Variants in TAFA5 observed in about 807,000 individuals in gnomAD.
TAFA5 encodes the protein chemokine-like protein TAFA-5.
A neutral mutation model predicts 15.3 loss-of-function variants in TAFA5; 6 were observed. The observed-to-expected ratio is 0.39, with a 90% CI of 0.21 to 0.77. The LOEUF is 0.77. Ranked by LOEUF, TAFA5 falls within the 30% of genes least tolerant of loss-of-function variation. The pLI is 0.41. For missense variants in TAFA5, 161 were observed against 193.1 expected (o/e 0.83, Z 0.98); for synonymous variants, 103 against 80.7 (o/e 1.28, Z -1.48).
chr22:48,651,053 C>T (rs540641674), intron 2 of TAFA5, among the ~76,000 whole-genome samples: 8 of 152,360 alleles, frequency 5.3e-5, no homozygotes, highest in South Asian at 2.1e-4. Context: ...CTGGCCAGCC[C>T]GCCTCGCTGA....
At chr22:48,593,864 TC>T (rs1382279325) in intron 1 of TAFA5, among the ~76,000 whole-genome samples, 1 of 152,126 alleles carries the variant, frequency 6.6e-6, no homozygotes, top group African/African-American at 2.4e-5. Context: ...ACTGTGAGCA[TC>T]CGAGGTGGTG....
intron 1 of TAFA5, among the ~76,000 whole-genome samples, chr22:48,642,810 T>TGCACGTGTGTGGTGTGTGTGCATGC (rs1282226553): frequency 3.3e-5 from 5 of 151,990 alleles, no homozygotes; most frequent in Admixed American, 3.3e-4. Context: ...GGTCTGTGTG[T>TGCACGTGTGTGGTGTGTGTGCATGC]GCACGTGTGT....
chr22:48,584,606 A>C (rs1370798510), intron 1 of TAFA5, among the ~76,000 whole-genome samples: 5 of 148,438 alleles, frequency 3.4e-5, no homozygotes, highest in Non-Finnish European at 6.0e-5. Context: ...ACACCACACC[A>C]CACACGCATG....
chr22:48,590,733 C>T (rs1253063418), intron 1 of TAFA5, among the ~76,000 whole-genome samples: 1 of 152,134 alleles, frequency 6.6e-6, no homozygotes, highest in African/African-American at 2.4e-5. Flanking sequence ...TGTTTGTGCC[C>T]AGCCTCCTCC....
chr22:48,607,040 G>T (rs1601611442), intron 1 of TAFA5, among the ~76,000 whole-genome samples: 1 of 152,370 alleles, frequency 6.6e-6, no homozygotes, highest in East Asian at 1.9e-4. Context: ...ATCCAGGCCA[G>T]GCTCTGGGGA....
intron 1 of TAFA5, chr22:48,544,476 T>G (rs1922584900): frequency 2.9e-6 from 1 of 347,908 alleles, no homozygotes; most frequent in Non-Finnish European, 5.7e-6. Flanking sequence ...AGCCGTTTGT[T>G]GAAATATGCA....
intron 1 of TAFA5, among the ~76,000 whole-genome samples, chr22:48,615,918 C>T (rs924611703): frequency 2.0e-5 from 3 of 152,252 alleles, no homozygotes; most frequent in Non-Finnish European, 4.4e-5. Flanking sequence ...AATCCTCACC[C>T]TGGCTTTGCC....
chr22:48,542,135 GTA>G (rs1222407015), intron 1 of TAFA5, among the ~76,000 whole-genome samples: 6 of 129,690 alleles, frequency 4.6e-5, no homozygotes, highest in South Asian at 2.3e-4. Context: ...TGTGTGATGT[GTA>G]TGTGTGTGTG....
At chr22:48,623,735 C>T (rs986957478) in intron 1 of TAFA5, among the ~76,000 whole-genome samples, 1 of 152,256 alleles carries the variant, frequency 6.6e-6, no homozygotes, top group Admixed American at 6.5e-5. Flanking sequence ...GGGCTCCTCA[C>T]GGTGCACGTC....
At chr22:48,680,396 C>T (rs1928143953) in intron 2 of TAFA5, among the ~76,000 whole-genome samples, 1 of 152,208 alleles carries the variant, frequency 6.6e-6, no homozygotes. Flanking sequence ...GTTGCCTGCC[C>T]AGTCCCTGCT....
intron 1 of TAFA5, among the ~76,000 whole-genome samples, chr22:48,520,402 AC>A (rs1290188374): frequency 2.0e-5 from 3 of 151,926 alleles, no homozygotes; most frequent in African/African-American, 7.3e-5. Flanking sequence ...GCACGGGCTC[AC>A]CCCGAAGGCC....
At chr22:48,672,120 T>G (rs1363574769) in intron 2 of TAFA5, among the ~76,000 whole-genome samples, 1 of 152,236 alleles carries the variant, frequency 6.6e-6, no homozygotes, top group Non-Finnish European at 1.5e-5. Context: ...TTGAGAGATT[T>G]TCATCTCGAA....
At chr22:48,562,642 C>T (rs1265866547) in intron 1 of TAFA5, among the ~76,000 whole-genome samples, 1 of 152,152 alleles carries the variant, frequency 6.6e-6, no homozygotes, top group Admixed American at 6.5e-5. Flanking sequence ...CCTCCAAGGC[C>T]CTCGGGACTC....
chr22:48,513,721 C>G (rs1046405911), intron 1 of TAFA5, among the ~76,000 whole-genome samples: 14 of 152,240 alleles, frequency 9.2e-5, no homozygotes, highest in African/African-American at 3.4e-4. Context: ...GGTGCCGTGC[C>G]TTGCTCTGCT....
At chr22:48,619,643 C>T (rs957947572) in intron 1 of TAFA5, among the ~76,000 whole-genome samples, 1 of 152,214 alleles carries the variant, frequency 6.6e-6, no homozygotes, top group Non-Finnish European at 1.5e-5. Context: ...TGTGAGAGTG[C>T]AGGGCCAGAG....
rs1201553391 is a variant in TAFA5 at position 48,560,921 on chromosome 22, T to C, written c.112+71217T>C. On this transcript the variant is annotated intron_variant, in intron 1 of 3. Transcript: ENST00000402357. The surrounding 1 kb of genome is among the most constrained non-coding windows in gnomAD (Gnocchi z 4.2). ...CACCACGCCTGGCCTCACAGTTGTC[T>C]TTAAAGTGGCTTTTGTTTGGCTCCT... Among the ~76,000 whole-genome samples, 1 of 152,196 alleles carries C rather than the reference T, an allele frequency of 6.6e-6. No homozygotes were observed. Among genetic ancestry groups the C allele is most frequent in the Non-Finnish European group, 1.5e-5 (1 of 68,036 alleles).
intron 1 of TAFA5, among the ~76,000 whole-genome samples, chr22:48,576,045 C>T (rs1207535695): frequency 9.1e-6 from 1 of 109,440 alleles, no homozygotes; most frequent in Non-Finnish European, 1.9e-5. Context: ...CCGGACCCCC[C>T]CCCCCCCCGC....
intron 2 of TAFA5, among the ~76,000 whole-genome samples, chr22:48,660,086 C>G (rs1442941808): frequency 1.3e-5 from 2 of 151,458 alleles, no homozygotes; most frequent in African/African-American, 4.9e-5. Context: ...GGTTCCCAGA[C>G]TCCAGTTCAC....
rs924067832 is a variant in TAFA5 at position 48,675,780 on chromosome 22, A to C, written c.262+29034A>C. On this transcript the variant is annotated intron_variant, in intron 2 of 3. Coordinates refer to ENST00000402357, the MANE Select transcript of TAFA5 (RefSeq NM_001082967.3). ...GAGGCCTCCTGCTCTCTTATTCTTC[A>C]AGACCCACCCTGTCCTCCCCAGTCT... Among the ~76,000 whole-genome samples the C allele has an allele frequency of 2.0e-5, 3 of 152,182 alleles. No homozygotes were observed. In the East Asian group the frequency reaches 5.8e-4, roughly 29 times the overall value.
Sources: gnomAD v4.1 joint callset for allele counts (sites outside exome capture counted in the v4.1 genomes callset) on GRCh38, gnomAD v4.1.1 for gene constraint, Gnocchi (gnomAD v3.1) non-coding constraint, MANE v1.5 for transcripts, NCBI Gene and HGNC (gene_info 2026-07-23, HGNC 2026-07-21) for gene names.